Variants in CMSS1 observed in about 807,000 individuals in gnomAD.
CMSS1 encodes the protein cms1 ribosomal small subunit homolog.
CMSS1 carries 33 observed loss-of-function variants against 43.5 expected under a neutral mutation model. The observed-to-expected ratio is 0.76, with a 90% CI of 0.57 to 1.01. The LOEUF (loss-of-function observed/expected upper bound fraction) is 1.01. Ranked by LOEUF, CMSS1 falls within the 50% of genes least tolerant of loss-of-function variation. The pLI is 0.00. For missense variants in CMSS1, 313 were observed against 326.4 expected (o/e 0.96, Z 0.32); for synonymous variants, 115 against 117.2 (o/e 0.98, Z 0.12).
intron 1 of CMSS1, among the ~76,000 whole-genome samples, chr3:99,951,614 A>G (rs906975196): frequency 3.3e-5 from 5 of 152,042 alleles, no homozygotes; most frequent in Non-Finnish European, 7.4e-5. Flanking sequence ...TTGTACCATC[A>G]TTGCTGCCTG....
chr3:100,103,489 A>T (rs187741068), intron 1 of CMSS1, among the ~76,000 whole-genome samples: 1 of 152,228 alleles, frequency 6.6e-6, no homozygotes, highest in African/African-American at 2.4e-5. Context: ...CTGAAGATCT[A>T]GAGTCTTTAG....
At chr3:99,881,445 G>A (rs887525681) in intron 1 of CMSS1, among the ~76,000 whole-genome samples, 1 of 152,040 alleles carries the variant, frequency 6.6e-6, no homozygotes, top group Non-Finnish European at 1.5e-5. Context: ...CATCTTCCCT[G>A]TCCCTTGCCA....
At chr3:100,089,109 A>G (rs922906512) in intron 1 of CMSS1, among the ~76,000 whole-genome samples, 1 of 152,192 alleles carries the variant, frequency 6.6e-6, no homozygotes, top group Non-Finnish European at 1.5e-5. Context: ...CTACCAGTAA[A>G]GTATCCAAGA....
chr3:99,933,238 G>A (rs572694292), intron 1 of CMSS1, among the ~76,000 whole-genome samples: 23 of 152,244 alleles, frequency 1.5e-4, no homozygotes, highest in East Asian at 3.9e-4. Flanking sequence ...TACCTTGTCC[G>A]AAAAATGCCT....
intron 9 of CMSS1, among the ~76,000 whole-genome samples, chr3:100,178,103 A>G (rs1559780837): frequency 6.6e-6 from 1 of 152,168 alleles, no homozygotes. Context: ...TGGGCAACAG[A>G]ATGGGACTCT....
At chr3:100,108,811 G>A (rs534857151) in intron 1 of CMSS1, among the ~76,000 whole-genome samples, 5 of 152,116 alleles carry the variant, frequency 3.3e-5, no homozygotes, top group South Asian at 2.1e-4. Context: ...TCAGCACAGC[G>A]TGTGGTTGTG....
Position 100,079,804 on chromosome 3 carries a change from CTCA to C in CMSS1, c.65-67167_65-67165del, listed in dbSNP as rs533427903. Among the ~76,000 whole-genome samples, 760 of 151,928 alleles carry C rather than the reference CTCA, an allele frequency of 5.0e-3. 5 individuals are homozygous for C. The highest frequency in any genetic ancestry group is 0.017 in the African/African-American group (718 of 41,452). On this transcript the variant is annotated intron_variant, in intron 1 of 9. Transcript: ENST00000421999. ...TTTACAATTTCTATGCCTCATTACTCTCATGATAACCTAAAAAAAAAAATCAAG... is the reference window on the plus strand; with the variant it reads ...TTTACAATTTCTATGCCTCATTACTCTGATAACCTAAAAAAAAAAATCAAG...
intron 1 of CMSS1, among the ~76,000 whole-genome samples, chr3:100,088,265 AG>A (rs1316458652): frequency 6.6e-6 from 1 of 152,210 alleles, no homozygotes; most frequent in African/African-American, 2.4e-5. Context: ...CTAAACCAAA[AG>A]CTTAAATTGA....
At chr3:100,014,807 ATT>A (rs201338660) in intron 1 of CMSS1, among the ~76,000 whole-genome samples, 332 of 64,524 alleles carry the variant, frequency 5.1e-3, no homozygotes, top group Non-Finnish European at 8.5e-3. Context: ...CATTCTATTG[ATT>A]TTTTTTTTTT....
At chr3:99,916,779 C>T (rs1482063779) in intron 1 of CMSS1, among the ~76,000 whole-genome samples, 2 of 152,142 alleles carry the variant, frequency 1.3e-5, no homozygotes, top group African/African-American at 4.8e-5. Context: ...AACTCTGATA[C>T]CCTGTGCTCT....
intron 1 of CMSS1, among the ~76,000 whole-genome samples, chr3:100,140,339 C>G (rs1322898632): frequency 1.3e-5 from 2 of 151,942 alleles, no homozygotes; most frequent in African/African-American, 4.8e-5. Flanking sequence ...TTTTAAATCA[C>G]CCCCCAGAAG....
intron 1 of CMSS1, among the ~76,000 whole-genome samples, chr3:99,965,087 A>AC (rs1708609081): frequency 6.6e-6 from 1 of 152,244 alleles, no homozygotes; most frequent in African/African-American, 2.4e-5. Context: ...GTTATTTTCT[A>AC]GTAATTACCT....
chr3:99,895,468 G>C (rs1706221428), intron 1 of CMSS1, among the ~76,000 whole-genome samples: 1 of 151,404 alleles, frequency 6.6e-6, no homozygotes, highest in South Asian at 2.1e-4. Context: ...TTCCGCTCAT[G>C]GGCAAGAGCT....
intron 1 of CMSS1, among the ~76,000 whole-genome samples, chr3:99,821,958 A>G (rs192580007): frequency 6.6e-6 from 1 of 152,226 alleles, no homozygotes; most frequent in Non-Finnish European, 1.5e-5. Context: ...AGGCAGGAGT[A>G]TTGCTTGAAC....
rs1943720874 is a variant in CMSS1, at chr3:99,852,001, G to A, written c.64+33958G>A. On this transcript the variant is annotated intron_variant, in intron 1 of 9. Coordinates refer to ENST00000421999, the MANE Select transcript of CMSS1 (RefSeq NM_032359.4). ...GACAGAAGAGAAACTCTGTTATCAG[G>A]AACATAATAATTCCCTCTTAAATGA... Among the ~76,000 whole-genome samples, 5 of 152,188 alleles carry A rather than the reference G, an allele frequency of 3.3e-5. No homozygotes were observed. The South Asian group carries it at 1.0e-3, about 32-fold the overall frequency.
At chr3:99,942,500 A>T (rs1707878765) in intron 1 of CMSS1, among the ~76,000 whole-genome samples, 1 of 152,202 alleles carries the variant, frequency 6.6e-6, no homozygotes, top group Admixed American at 6.5e-5. Context: ...ATTTGAAAGA[A>T]AGCACTAGGC....
chr3:100,067,433 A>G (rs2065685733), intron 1 of CMSS1, among the ~76,000 whole-genome samples: 1 of 152,176 alleles, frequency 6.6e-6, no homozygotes. Context: ...TGTCTGTTGA[A>G]TCCCTGGCTC....
At chr3:100,099,574 A>G (rs1028510735) in intron 1 of CMSS1, among the ~76,000 whole-genome samples, 1 of 152,144 alleles carries the variant, frequency 6.6e-6, no homozygotes, top group Non-Finnish European at 1.5e-5. Flanking sequence ...TCTGAGCCTC[A>G]TTTCCCTGTT....
chr3:100,018,545 A>G (rs1710410864), intron 1 of CMSS1, among the ~76,000 whole-genome samples: 1 of 152,148 alleles, frequency 6.6e-6, no homozygotes, highest in African/African-American at 2.4e-5. Flanking sequence ...ACCATCTACG[A>G]AAATCAACTC....
Sources: allele counts gnomAD v4.1 joint callset (sites outside exome capture counted in the v4.1 genomes callset), GRCh38; gene constraint gnomAD v4.1.1; transcripts MANE v1.5; gene names NCBI Gene and HGNC (gene_info 2026-07-23, HGNC 2026-07-21).